The following PLD5 variants were observed in gnomAD, a reference collection of about 807,000 sequenced individuals.
The protein encoded by PLD5 is inactive phospholipase D5.
Under a neutral mutation model 61.1 loss-of-function variants are expected in PLD5, and 36 were observed. The ratio of observed to expected loss-of-function variants is 0.59; its 90% CI spans 0.45 to 0.78. The LOEUF is 0.78. PLD5 is among the 30% of genes least tolerant of loss of function. The pLI is 0.00. For missense variants in PLD5, 515 were observed against 644.4 expected (o/e 0.80, Z 2.17); for synonymous variants, 243 against 242.8 (o/e 1.00, Z -0.01).
rs111588346 is a variant in PLD5 at position 242,089,801 on chromosome 1, C to T, written c.*53G>A. The T allele has an allele frequency of 6.2e-7, 1 of 1,602,578 alleles. No individual in the cohort carries two copies. The highest frequency in any genetic ancestry group is 8.5e-7 in the Non-Finnish European group (1 of 1,171,752). ...TAAAGTGTTTTTTCTCTCCTCAAGT[C>T]CTTTATGTATAAATATGAAATACAG... On this transcript the variant is annotated 3_prime_UTR_variant, in exon 10 of 10. Coordinates refer to ENST00000536534, the MANE Select transcript of PLD5 (RefSeq NM_001372062.1).
At chr1:242,258,132 C>T (rs1467112244) in intron 4 of PLD5, among the ~76,000 whole-genome samples, 1 of 152,200 alleles carries the variant, frequency 6.6e-6, no homozygotes, top group African/African-American at 2.4e-5. Flanking sequence ...CATATAAAAA[C>T]CGATTTGAAT....
intron 5 of PLD5, among the ~76,000 whole-genome samples, chr1:242,169,430 G>T (rs1288349656): frequency 6.6e-6 from 1 of 152,096 alleles, no homozygotes; most frequent in Non-Finnish European, 1.5e-5. Context: ...TTTTCCCATG[G>T]TCTTCAAAAC....
chr1:242,419,557 G>A (rs148464800), intron 1 of PLD5, among the ~76,000 whole-genome samples: 2,189 of 138,826 alleles, frequency 0.016, 62 homozygotes, highest in African/African-American at 0.057. Context: ...CACTACACCC[G>A]GCTAAATTTT....
chr1:242,401,751 C>T (rs990597815), intron 1 of PLD5, among the ~76,000 whole-genome samples: 4 of 152,168 alleles, frequency 2.6e-5, no homozygotes, highest in African/African-American at 9.7e-5. Flanking sequence ...GAAGATGTCC[C>T]TGCACTCTCT....
intron 1 of PLD5, among the ~76,000 whole-genome samples, chr1:242,354,887 T>C (rs1198139747): frequency 3.3e-5 from 5 of 152,134 alleles, no homozygotes; most frequent in Admixed American, 6.6e-5. Flanking sequence ...GTGATGATCA[T>C]ATGACTTATT....
intron 1 of PLD5, among the ~76,000 whole-genome samples, chr1:242,422,082 A>G (rs999094735): frequency 3.3e-5 from 5 of 152,216 alleles, no homozygotes; most frequent in African/African-American, 1.2e-4. Context: ...CTTCCTAAGT[A>G]TTTTTATGAG....
rs531759680 is a variant in PLD5 at position 242,197,658 on chromosome 1, G to A, written c.735+22330C>T. Among the ~76,000 whole-genome samples the A allele has an allele frequency of 3.0e-3, 433 of 145,886 alleles. 3 individuals carry two copies. Among genetic ancestry groups the A allele is most frequent in the Non-Finnish European group, 4.5e-3 (304 of 67,012 alleles). On this transcript the variant is annotated intron_variant, in intron 5 of 9. Coordinates refer to ENST00000536534, the MANE Select transcript of PLD5 (RefSeq NM_001372062.1). ...CTTTTTTTTTTTTTTTTTCTGAGAC[G>A]GAGCCTTGCTCTGTCCCCCAGGCTG...
intron 5 of PLD5, among the ~76,000 whole-genome samples, chr1:242,202,278 G>C (rs569439284): frequency 6.6e-6 from 1 of 152,180 alleles, no homozygotes; most frequent in African/African-American, 2.4e-5. Context: ...CCAGGTCCTT[G>C]GGTGTGTGGT....
At chr1:242,169,541 T>C (rs562342115) in intron 5 of PLD5, among the ~76,000 whole-genome samples, 2 of 152,248 alleles carry the variant, frequency 1.3e-5, no homozygotes, top group South Asian at 4.1e-4. Flanking sequence ...GATTTTTTTT[T>C]CCATACCCCA....
chr1:242,208,833 A>G (rs946098452), intron 5 of PLD5, among the ~76,000 whole-genome samples: 1 of 152,200 alleles, frequency 6.6e-6, no homozygotes, highest in African/African-American at 2.4e-5. Flanking sequence ...CTTTCACAAT[A>G]AAGACAGACC....
In PLD5 at chr1:242,124,507, T is replaced by C. The variant is rs1662632582; in HGVS notation, c.894A>G (p.Gln298=). The C allele has an allele frequency of 1.9e-6, 3 of 1,614,056 alleles. No individual in the cohort carries two copies. Among genetic ancestry groups the C allele is most frequent in the Non-Finnish European group, 1.7e-6 (2 of 1,179,964 alleles). The part of the protein sequence containing the change: ...YGVYDNEKKL[Q]LQLNETKSQA... ...GAGATTTGGTTTCATTCAACTGAAG[T>C]TGCAATTTCTTTTCATTGTCATAGA... Residue 298 remains glutamine (Q), a synonymous_variant, in exon 6 of 10, where the codon CAA becomes CAG. Transcript: ENST00000536534.
chr1:242,402,850 T>C (rs1456281843), intron 1 of PLD5, among the ~76,000 whole-genome samples: 1 of 152,198 alleles, frequency 6.6e-6, no homozygotes, highest in Admixed American at 6.5e-5. Flanking sequence ...AAGCTTATAA[T>C]AATTGGCAAA....
chr1:242,222,147 TC>T (rs553211793), intron 4 of PLD5, among the ~76,000 whole-genome samples: 1 of 152,110 alleles, frequency 6.6e-6, no homozygotes, highest in Non-Finnish European at 1.5e-5. Context: ...TATTTTCTCT[TC>T]TTATCAGGAC....
chr1:242,240,467 T>A (rs535537236), intron 4 of PLD5, among the ~76,000 whole-genome samples: 2 of 152,322 alleles, frequency 1.3e-5, no homozygotes, highest in East Asian at 3.9e-4. Flanking sequence ...ATAGCGAATG[T>A]AATGACCTCA....
At chr1:242,320,722 C>T (rs1465846138) in intron 2 of PLD5, among the ~76,000 whole-genome samples, 1 of 152,130 alleles carries the variant, frequency 6.6e-6, no homozygotes, top group African/African-American at 2.4e-5. Context: ...TTAGCATCAA[C>T]CTCGGTGACC....
At chr1:242,459,616 A>G (rs1667053026) in intron 1 of PLD5, among the ~76,000 whole-genome samples, 1 of 152,202 alleles carries the variant, frequency 6.6e-6, no homozygotes, top group Non-Finnish European at 1.5e-5. Context: ...AAAAGATGAA[A>G]TGCTTCTGAT....
At chr1:242,269,847 T>TAA (rs71010420) in intron 3 of PLD5, among the ~76,000 whole-genome samples, 3 of 151,266 alleles carry the variant, frequency 2.0e-5, no homozygotes, top group Admixed American at 1.3e-4. Context: ...AGAGAAAGGT[T>TAA]AAAAAAAAAC....
chr1:242,333,144 T>C (rs1399609375), intron 2 of PLD5, among the ~76,000 whole-genome samples: 1 of 152,098 alleles, frequency 6.6e-6, no homozygotes, highest in African/African-American at 2.4e-5. Context: ...AGAGGGGTTG[T>C]CAAAAGATGG....
At chr1:242,138,937 T>C (rs1048729794) in intron 5 of PLD5, among the ~76,000 whole-genome samples, 2 of 152,228 alleles carry the variant, frequency 1.3e-5, no homozygotes, top group African/African-American at 4.8e-5. Flanking sequence ...GGTCTCCCTA[T>C]CTCAAATTTC....
Sources: gnomAD v4.1 joint callset for allele counts (sites outside exome capture counted in the v4.1 genomes callset) on GRCh38, gnomAD v4.1.1 for gene constraint, MANE v1.5 for transcripts, NCBI Gene and HGNC (gene_info 2026-07-23, HGNC 2026-07-21) for gene names.